Variants in ZNF704 observed in about 807,000 individuals in gnomAD.
ZNF704 encodes glucocorticoid induced gene 1.
ZNF704 carries 10 observed loss-of-function variants against 44.7 expected under a neutral mutation model. That is an observed-to-expected ratio of 0.22 (90% confidence interval 0.14 to 0.38). The LOEUF (loss-of-function observed/expected upper bound fraction) is 0.38. ZNF704 is among the 10% of genes least tolerant of loss of function. The probability of loss-of-function intolerance (pLI) is 1.00; values close to 1 mark genes in which losing one functional copy is unlikely to be tolerated. For missense variants in ZNF704, 390 were observed against 545.5 expected (o/e 0.71, Z 2.84); for synonymous variants, 211 against 207.6 (o/e 1.02, Z -0.14).
At chr8:80,826,433 T>C (rs1210152095) in intron 1 of ZNF704, among the ~76,000 whole-genome samples, 1 of 152,120 alleles carries the variant, frequency 6.6e-6, no homozygotes, top group East Asian at 1.9e-4. Flanking sequence ...GACGCAATAA[T>C]AGCCTACAAA....
chr8:80,666,994 C>G (rs1818205497), intron 5 of ZNF704, among the ~76,000 whole-genome samples: 1 of 152,110 alleles, frequency 6.6e-6, no homozygotes, highest in African/African-American at 2.4e-5. Flanking sequence ...TCAATTTTGT[C>G]TTTTAAAGAG....
At chr8:80,854,049 A>G (rs1160887842) in intron 1 of ZNF704, among the ~76,000 whole-genome samples, 1 of 152,208 alleles carries the variant, frequency 6.6e-6, no homozygotes, top group Non-Finnish European at 1.5e-5. Flanking sequence ...ATCTTGAACT[A>G]CTCATTTACC....
chr8:80,881,063 G>A, the ZNF704 span, among the ~76,000 whole-genome samples: 1 of 152,172 alleles, frequency 6.6e-6, no homozygotes, highest in South Asian at 2.1e-4. Flanking sequence ...TTTAGTGAGT[G>A]TTAAATGGTA....
chr8:80,852,111 T>C (rs1002368280), intron 1 of ZNF704, among the ~76,000 whole-genome samples: 9 of 152,276 alleles, frequency 5.9e-5, no homozygotes, highest in Middle Eastern at 3.4e-3. Context: ...TAGGGACCCC[T>C]TGAAAAACAC....
chr8:80,805,956 C>T (rs1208899655), intron 2 of ZNF704, among the ~76,000 whole-genome samples: 4 of 152,164 alleles, frequency 2.6e-5, no homozygotes, highest in African/African-American at 9.7e-5. Flanking sequence ...TCAGTGTCTT[C>T]AAACAGCACT....
At chr8:80,717,261 C>T (rs1819085640) in intron 2 of ZNF704, among the ~76,000 whole-genome samples, 2 of 152,230 alleles carry the variant, frequency 1.3e-5, no homozygotes, top group South Asian at 2.1e-4. Context: ...ACCATTCACA[C>T]ATGCAGTACC....
At chr8:80,884,041 C>T in the ZNF704 span, among the ~76,000 whole-genome samples, 1 of 152,186 alleles carries the variant, frequency 6.6e-6, no homozygotes, top group Non-Finnish European at 1.5e-5. Flanking sequence ...ATATAAATGC[C>T]ACTGGGATTT....
At position 80,867,565 on chromosome 8, in the gene ZNF704, A is replaced by C. The variant is rs115907756; in HGVS notation, c.-22+7006T>G. 6.5e-3 allele frequency among the ~76,000 whole-genome samples: 991 copies of C among 152,310 alleles called. 10 individuals are homozygous for C. The highest frequency in any genetic ancestry group is 0.022 in the African/African-American group (928 of 41,564). On this transcript the variant is annotated intron_variant, in intron 1 of 8. Coordinates refer to ENST00000327835, the MANE Select transcript of ZNF704 (RefSeq NM_001033723.3). ...TCAAATGAAAGTACTGGATTACTAG[A>C]TAATATCTGTTTGCCTTCCAACTCC...
chr8:80,656,225 G>C (rs1398991864), intron 7 of ZNF704, among the ~76,000 whole-genome samples: 1 of 152,172 alleles, frequency 6.6e-6, no homozygotes, highest in Non-Finnish European at 1.5e-5. Flanking sequence ...TGCATGCACA[G>C]TGAGAAGGCA....
intron 2 of ZNF704, among the ~76,000 whole-genome samples, chr8:80,719,644 T>C (rs1396710677): frequency 6.6e-6 from 1 of 152,194 alleles, no homozygotes; most frequent in East Asian, 1.9e-4. Flanking sequence ...AAATCTTCTG[T>C]GGGGGCATTT....
At chr8:80,663,181 A>G (rs1451584321) in intron 6 of ZNF704, among the ~76,000 whole-genome samples, 1 of 152,020 alleles carries the variant, frequency 6.6e-6, no homozygotes, top group Non-Finnish European at 1.5e-5. Flanking sequence ...GGAGTTCGAG[A>G]CCAGCCTGGG....
At chr8:80,744,143 A>T (rs1410611562) in intron 2 of ZNF704, among the ~76,000 whole-genome samples, 2 of 152,230 alleles carry the variant, frequency 1.3e-5, no homozygotes, top group Admixed American at 6.5e-5. Context: ...TAATATTTTT[A>T]AAATACTGAT....
At chr8:80,883,824 G>A in the ZNF704 span, among the ~76,000 whole-genome samples, 2 of 151,974 alleles carry the variant, frequency 1.3e-5, no homozygotes, top group East Asian at 1.9e-4. Context: ...TTCCAATTAG[G>A]GTATTTCGAG....
At chr8:80,728,502 T>C (rs983525784) in intron 2 of ZNF704, among the ~76,000 whole-genome samples, 3 of 151,822 alleles carry the variant, frequency 2.0e-5, no homozygotes, top group East Asian at 3.8e-4. Flanking sequence ...TGGGGGAGAG[T>C]AGTATTTCTT....
intron 1 of ZNF704, among the ~76,000 whole-genome samples, chr8:80,824,962 G>A (rs554636324): frequency 4.5e-4 from 69 of 152,304 alleles, no homozygotes; most frequent in African/African-American, 1.6e-3. Flanking sequence ...ACCAGCCACT[G>A]CAAAAACATG....
At chr8:80,829,163 T>C (rs538698531) in intron 1 of ZNF704, among the ~76,000 whole-genome samples, 2 of 152,284 alleles carry the variant, frequency 1.3e-5, no homozygotes, top group East Asian at 1.9e-4. Flanking sequence ...CAATATGCAA[T>C]AGAAAGACAT....
intron 4 of ZNF704, among the ~76,000 whole-genome samples, chr8:80,672,678 C>A (rs773890621): frequency 5.9e-5 from 9 of 152,304 alleles, no homozygotes; most frequent in Non-Finnish European, 1.2e-4. Context: ...GCAAATACTG[C>A]ATGCTCTCAC....
chr8:80,834,261 G>C (rs1808520939), intron 1 of ZNF704, among the ~76,000 whole-genome samples: 1 of 152,100 alleles, frequency 6.6e-6, no homozygotes, highest in Admixed American at 6.5e-5. Context: ...TCAGTATCTA[G>C]TGTTCCATGA....
chr8:80,654,322 A>C (rs1365964039), intron 7 of ZNF704, among the ~76,000 whole-genome samples: 3 of 152,186 alleles, frequency 2.0e-5, no homozygotes, highest in Non-Finnish European at 2.9e-5. Flanking sequence ...ATGGCAACAA[A>C]AGCCAAAATT....
Sources: allele counts gnomAD v4.1 joint callset (sites outside exome capture counted in the v4.1 genomes callset), GRCh38; gene constraint gnomAD v4.1.1; transcripts MANE v1.5; gene names NCBI Gene and HGNC (gene_info 2026-07-23, HGNC 2026-07-21).